Variants in CD300LG observed in about 807,000 individuals in gnomAD.
CD300LG encodes the protein CMRF35-like molecule 9.
Under a neutral mutation model 31.5 loss-of-function variants are expected in CD300LG, and 29 were observed. The observed-to-expected ratio is 0.92, with a 90% CI of 0.68 to 1.25. CD300LG has a LOEUF of 1.25. Among genes scored for constraint, CD300LG ranks in the 50% most tolerant of loss-of-function variants. CD300LG has a pLI of 0.00. For missense variants in CD300LG, 396 were observed against 417.6 expected, an observed-to-expected ratio of 0.95 and a Z score of 0.45; for synonymous variants, 175 against 177.2, an observed-to-expected ratio of 0.99 and a Z score of 0.10.
intron 1 of CD300LG, 116 bp downstream of exon 1, chr17:43,847,375 C>G: frequency 3.6e-6 from 3 of 832,988 alleles, no homozygotes; most frequent in Non-Finnish European, 3.4e-6. Flanking sequence ...CTCCTCAGCC[C>G]TAGGGGAGCG....
At chr17:43,849,578 G>A (rs2046289380) in intron 2 of CD300LG, 1 of 152,602 alleles carries the variant, frequency 6.6e-6, no homozygotes. Context: ...TAAGGAGAAA[G>A]AAGCCAGAGA....
chr17:43,848,514 A>C, intron 1 of CD300LG, 44 bp from the exon 2 acceptor site: 1 of 1,517,470 alleles, frequency 6.6e-7, no homozygotes, highest in South Asian at 1.2e-5. Context: ...ACCTTGGTAC[A>C]TGGAGCCTGG....
At position 43,851,640 on chromosome 17, in the gene CD300LG, ATTTTTTTTTTTT is replaced by A. The variant is rs60784804; in HGVS notation, c.380-1257_380-1246del. On this transcript the variant is annotated intron_variant, in intron 2 of 6. Coordinates refer to ENST00000317310, the MANE Select transcript of CD300LG (RefSeq NM_145273.4). ...ACTGTGCTGGGCACAGAGGACAGGAATTTTTTTTTTTTTTTTTTTTTTTTTTGAGACGGAGTC... is the reference window on the plus strand; with the variant it reads ...ACTGTGCTGGGCACAGAGGACAGGAATTTTTTTTTTTTTTGAGACGGAGTC... Among the ~76,000 whole-genome samples the A allele has an allele frequency of 1.3e-3, 141 of 111,870 alleles. 2 individuals carry two copies. Among genetic ancestry groups the A allele is most frequent in the African/African-American group, 4.9e-3 (132 of 26,884 alleles). The allele number at this position is 111,870 out of a possible 152,430, so 73.4% of individuals were successfully genotyped here. A position where few individuals can be genotyped will look rare whatever the true frequency, so the allele number is the denominator to read the frequency against.
chr17:43,859,060 T>C (rs1053313330), intron 6 of CD300LG, among the ~76,000 whole-genome samples: 1 of 152,174 alleles, frequency 6.6e-6, no homozygotes, highest in Non-Finnish European at 1.5e-5. Flanking sequence ...AATTGCCCAG[T>C]GACCCAGCCT....
chr17:43,858,695 T>C (rs752375331), intron 6 of CD300LG: 11 of 985,256 alleles, frequency 1.1e-5, no homozygotes, highest in Non-Finnish European at 1.3e-5. Flanking sequence ...CCTTGTGGCT[T>C]CTCCATAGGA....
intron 6 of CD300LG, chr17:43,861,032 C>A: frequency 1.1e-6 from 1 of 928,674 alleles, no homozygotes; most frequent in Non-Finnish European, 1.3e-6. Flanking sequence ...CCCTGCCTTG[C>A]CCACCCCTCC....
At chr17:43,848,467 C>A (rs1001027184) in intron 1 of CD300LG, 91 bp from the exon 2 acceptor site, 2 of 1,057,596 alleles carry the variant, frequency 1.9e-6, no homozygotes, top group African/African-American at 3.2e-5. Context: ...TGAGAAAAGC[C>A]TTCCTTCTTC....
At chr17:43,854,923 C>G (rs1221411113) in intron 4 of CD300LG, among the ~76,000 whole-genome samples, 1 of 152,136 alleles carries the variant, frequency 6.6e-6, no homozygotes, top group Non-Finnish European at 1.5e-5. Context: ...AATTGACACC[C>G]TGGGAGGTTT....
At chr17:43,856,519 T>C (rs1219816351) in intron 5 of CD300LG, among the ~76,000 whole-genome samples, 2 of 152,148 alleles carry the variant, frequency 1.3e-5, no homozygotes, top group Admixed American at 1.3e-4. Context: ...GGGAAGATAA[T>C]CACAATGTCA....
At chr17:43,851,090 T>A (rs982927100) in intron 2 of CD300LG, among the ~76,000 whole-genome samples, 32 of 133,440 alleles carry the variant, frequency 2.4e-4, no homozygotes, top group Admixed American at 1.4e-3. Flanking sequence ...GCCAAGATCG[T>A]GCCACTGCAC....
At position 43,847,195 on chromosome 17, in the gene CD300LG, C is replaced by T. The variant is rs1159682200; in HGVS notation, c.-22C>T. ...GAGCTCACAGTTCCCAGCGTCTGCT[C>T]CCACGGTGTCCAGCGCCCAGAATGC... is the stretch of plus-strand genomic sequence containing the variant. On this transcript the variant is annotated 5_prime_UTR_variant, in exon 1 of 7. Transcript: ENST00000317310. The T allele has an allele frequency of 6.2e-7, 1 of 1,613,356 alleles. No homozygotes were observed. The highest frequency in any genetic ancestry group is 1.7e-5 in the Admixed American group (1 of 59,920).
rs969682269 is a variant in CD300LG at position 43,855,298 on chromosome 17, C to A, written c.811C>A (p.Leu271Met). The A allele has an allele frequency of 6.3e-7, 1 of 1,595,968 alleles. No individual in the cohort carries two copies. Among genetic ancestry groups the A allele is most frequent in the Non-Finnish European group, 8.5e-7 (1 of 1,173,354 alleles). The change falls in exon 5 of 7, where the codon CTG (leucine) becomes ATG (methionine). Residue 271 changes from leucine (L) to methionine (M), a missense_variant. Transcript: ENST00000317310. ...AAGLIAFCSHLLLWRKEAQQA... is the reference protein window; with the variant it reads ...AAGLIAFCSHMLLWRKEAQQA... The stretch of plus-strand genomic sequence containing the variant: ...AGGCCTGATCGCCTTCTGCAGCCAC[C>A]TGCTCCTGTGGAGAAAGGAAGGTGA...
chr17:43,852,997 C>T lies in CD300LG; in HGVS notation c.465C>T (p.Thr155=). The T allele has an allele frequency of 6.2e-7, 1 of 1,611,954 alleles. No homozygotes were observed. The highest frequency in any genetic ancestry group is 8.5e-7 in the Non-Finnish European group (1 of 1,179,008). Residue 155 remains threonine, a synonymous_variant, in exon 3 of 7, where the codon ACC becomes ACT. Coordinates refer to ENST00000317310, the MANE Select transcript of CD300LG (RefSeq NM_145273.4). ...AGCCCAAGGCAAAAGCTCAGCAAAC[C>T]CAGCCCCCAGGATTGAGTGAGTGAA... ...RLQPKAKAQQ[T]QPPGLTSPGL...
intron 5 of CD300LG, among the ~76,000 whole-genome samples, chr17:43,856,812 G>T (rs1247012456): frequency 6.6e-6 from 1 of 152,178 alleles, no homozygotes; most frequent in Admixed American, 6.5e-5. Context: ...ACATCCAGGG[G>T]GTCCTATGTG....
At chr17:43,854,077 G>C in intron 4 of CD300LG, 33 bp downstream of exon 4, 1 of 1,525,376 alleles carries the variant, frequency 6.6e-7, no homozygotes, top group Non-Finnish European at 9.1e-7. Flanking sequence ...CCCCTTTCAA[G>C]CCATCACTAA....
At position 43,855,363 on chromosome 17, in the gene CD300LG, C is replaced by T. The variant is rs751779269; in HGVS notation, c.832+44C>T. The stretch of plus-strand genomic sequence containing the variant: ...CAGGAAGGCGGGAGGCTCACTGGGC[C>T]AGGGACCTCACTGAGACCTGCAGCT... On this transcript the variant is annotated intron_variant, in intron 5 of 6. Coordinates refer to ENST00000317310, the MANE Select transcript of CD300LG (RefSeq NM_145273.4). The T allele has an allele frequency of 1.9e-5, 24 of 1,245,888 alleles. No homozygotes were observed. In the South Asian group the frequency reaches 3.7e-4, roughly 19 times the overall value. The allele number at this position is 1,245,888 out of a possible 1,614,324, so 77.2% of individuals were successfully genotyped here.
chr17:43,849,353 T>G, intron 2 of CD300LG: 1 of 199,960 alleles, frequency 5.0e-6, no homozygotes. Context: ...GCCCTGCTTG[T>G]GCCCTCAACT....
In CD300LG at chr17:43,852,951, C is replaced by T; in HGVS notation, c.419C>T (p.Pro140Leu). Residue 140 changes from proline to leucine, a missense_variant, in exon 3 of 7, where the codon CCT becomes CTT. Physicochemically the swap from Pro to Leu is moderately conservative, Grantham distance 98. Coordinates refer to ENST00000317310, the MANE Select transcript of CD300LG (RefSeq NM_145273.4). ...CPPSPSPTFQ[P>L]LATTRLQPKA... ...CCCTCCCCTTCTCCCACCTTCCAGC[C>T]TCTGGCTACAACACGCCTGCAGCCC... 2 of 1,613,328 alleles carry T rather than the reference C, an allele frequency of 1.2e-6. No individual in the cohort carries two copies. The highest frequency in any genetic ancestry group is 2.7e-5 in the African/African-American group (2 of 75,048).
chr17:43,854,045 G>A lies in CD300LG; in HGVS notation c.719+1G>A, dbSNP rs762638151. On this transcript the variant is annotated splice_donor_variant, in intron 4 of 6. Transcript: ENST00000317310. LOFTEE classifies it high-confidence loss of function. ...TCAGCAGTGGCAGCTCTAAGCCCAG[G>A]TGAGCCCCAGGTGACCAACATCCCC... is the stretch of plus-strand genomic sequence containing the variant. 18 of 1,610,678 alleles carry A rather than the reference G, an allele frequency of 1.1e-5. No individual in the cohort carries two copies. The African/African-American group carries it at 1.6e-4, about 14-fold the overall frequency.
Sources: gnomAD v4.1 joint callset for allele counts (sites outside exome capture counted in the v4.1 genomes callset) on GRCh38, gnomAD v4.1.1 for gene constraint, MANE v1.5 for transcripts, NCBI Gene and HGNC (gene_info 2026-07-23, HGNC 2026-07-21) for gene names.